The following UNC13C variants were observed in gnomAD, a reference collection of about 807,000 sequenced individuals.
The protein encoded by UNC13C is protein unc-13 homolog C.
In UNC13C, 174 loss-of-function variants were observed where a neutral mutation model predicts 245.4. The observed-to-expected ratio is 0.71, with a 90% CI of 0.63 to 0.80. The LOEUF is 0.80. Among genes scored for constraint, UNC13C ranks in the 30% least tolerant of loss-of-function variants. The pLI is 0.00. For synonymous variants in UNC13C, 992 were observed against 895.1 expected (o/e 1.11, Z -1.93); for missense variants, 2,829 against 2,602.9 (o/e 1.09, Z -1.89).
intron 2 of UNC13C, among the ~76,000 whole-genome samples, chr15:54,115,356 T>G (rs557000873): frequency 4.6e-5 from 7 of 152,226 alleles, no homozygotes; most frequent in African/African-American, 1.7e-4. Context: ...GTGCCAACAT[T>G]ATCAATTGCA....
intron 17 of UNC13C, among the ~76,000 whole-genome samples, chr15:54,350,490 A>G (rs2038958115): frequency 6.6e-6 from 1 of 152,196 alleles, no homozygotes; most frequent in Non-Finnish European, 1.5e-5. Flanking sequence ...AACTTGCATG[A>G]TCTAAATTCT....
At chr15:54,131,849 C>T (rs1480942175) in intron 2 of UNC13C, among the ~76,000 whole-genome samples, 1 of 152,124 alleles carries the variant, frequency 6.6e-6, no homozygotes, top group Non-Finnish European at 1.5e-5. Context: ...ACACTCTATG[C>T]TCTTTCAAGC....
At chr15:53,856,432 A>G in the UNC13C span, among the ~76,000 whole-genome samples, 1 of 151,220 alleles carries the variant, frequency 6.6e-6, no homozygotes, top group Non-Finnish European at 1.5e-5. Context: ...TAGCTTTTTG[A>G]TGTGGGCATT....
At chr15:54,132,461 T>C (rs2031491394) in intron 2 of UNC13C, among the ~76,000 whole-genome samples, 1 of 152,188 alleles carries the variant, frequency 6.6e-6, no homozygotes, top group African/African-American at 2.4e-5. Context: ...CTCCCAGCAC[T>C]CATCCAGTTG....
At chr15:54,452,805 G>T (rs1308979248) in intron 19 of UNC13C, among the ~76,000 whole-genome samples, 3 of 152,190 alleles carry the variant, frequency 2.0e-5, no homozygotes, top group African/African-American at 7.2e-5. Flanking sequence ...TTTGGCCCCA[G>T]GTGGCAGCTG....
chr15:54,335,704 G>GT (rs2038556327), intron 16 of UNC13C, among the ~76,000 whole-genome samples: 1 of 152,120 alleles, frequency 6.6e-6, no homozygotes, highest in Admixed American at 6.6e-5. Context: ...ATTCACTTCT[G>GT]TTAATTGCTA....
chr15:54,558,588 C>G (rs893434450), intron 29 of UNC13C, among the ~76,000 whole-genome samples: 1 of 151,982 alleles, frequency 6.6e-6, no homozygotes. Context: ...AAAATATTAA[C>G]TTTTCTAAAT....
intron 30 of UNC13C, among the ~76,000 whole-genome samples, chr15:54,584,014 T>C (rs2681954): frequency 0.39 from 58,574 of 152,026 alleles, 11,812 homozygotes; most frequent in East Asian, 0.65. Context: ...CCTGCCGCTC[T>C]CTGGACCTCT....
At chr15:54,391,846 G>A (rs2039963456) in intron 17 of UNC13C, among the ~76,000 whole-genome samples, 1 of 152,012 alleles carries the variant, frequency 6.6e-6, no homozygotes, top group Non-Finnish European at 1.5e-5. Context: ...CAAGTTACAC[G>A]AGAATAATTA....
chr15:54,270,206 C>G (rs1315922565), intron 10 of UNC13C, among the ~76,000 whole-genome samples: 3 of 152,140 alleles, frequency 2.0e-5, no homozygotes, highest in Non-Finnish European at 4.4e-5. Flanking sequence ...ATAAACGGTT[C>G]TCTTTTGCAG....
At chr15:54,123,637 T>C (rs1417356327) in intron 2 of UNC13C, among the ~76,000 whole-genome samples, 2 of 152,128 alleles carry the variant, frequency 1.3e-5, no homozygotes, top group African/African-American at 4.8e-5. Context: ...AGGTGACAGT[T>C]ATCCTTCACC....
chr15:53,954,996 G>T, the UNC13C span, among the ~76,000 whole-genome samples: 3 of 152,116 alleles, frequency 2.0e-5, no homozygotes, highest in Admixed American at 2.0e-4. Flanking sequence ...AGCTGGCTAG[G>T]ACGTATGAAA....
intron 17 of UNC13C, among the ~76,000 whole-genome samples, chr15:54,344,765 T>C (rs2140827150): frequency 6.6e-6 from 1 of 152,266 alleles, no homozygotes; most frequent in East Asian, 1.9e-4. Context: ...ATTCTAATTA[T>C]TTAGTTCAAA....
chr15:54,551,668 C>T (rs1896740220), intron 28 of UNC13C, among the ~76,000 whole-genome samples: 1 of 152,020 alleles, frequency 6.6e-6, no homozygotes, highest in Non-Finnish European at 1.5e-5. Flanking sequence ...TTCAACAACA[C>T]TGAAATAACA....
chr15:54,266,448 T>A (rs2036551148), intron 10 of UNC13C, among the ~76,000 whole-genome samples: 1 of 151,900 alleles, frequency 6.6e-6, no homozygotes, highest in African/African-American at 2.4e-5. Context: ...TAAAATTAAA[T>A]TTCCTGTTGG....
rs147650674 is a variant in UNC13C, at chr15:54,087,013, C to T, written c.2984-56005C>T. 3.3e-3 allele frequency among the ~76,000 whole-genome samples: 495 copies of T among 152,136 alleles called. 6 individuals are homozygous for T. The highest frequency in any genetic ancestry group is 0.012 in the South Asian group (58 of 4,810). On this transcript the variant is annotated intron_variant, in intron 2 of 32. Coordinates refer to ENST00000260323, the MANE Select transcript of UNC13C (RefSeq NM_001080534.3). The stretch of plus-strand genomic sequence containing the variant: ...CCTCCCAAAGTGCTGGGATTACAGA[C>T]GTGAGCCACTGCACCTGGCCTTTTG...
chr15:53,845,988 C>A, the UNC13C span, among the ~76,000 whole-genome samples: 1 of 151,984 alleles, frequency 6.6e-6, no homozygotes, highest in Admixed American at 6.6e-5. Flanking sequence ...CCAATAAAAC[C>A]ATTGTGTTTT....
Position 54,300,373 on chromosome 15 carries a change from C to T in UNC13C, c.4268C>T (p.Thr1423Met), listed in dbSNP as rs1433184728. The T allele has an allele frequency of 6.4e-6, 10 of 1,567,022 alleles. No homozygotes were observed. Among genetic ancestry groups the T allele is most frequent in the Middle Eastern group, 1.7e-4 (1 of 6,004 alleles). The stretch of plus-strand genomic sequence containing the variant: ...ATTGAATCCATTTATCAAGCTATGA[C>T]GTAAGTACTACAGAACATTTACATG... ...YGIESIYQAMTHFSCLSSKYM... is the reference protein window; with the variant it reads ...YGIESIYQAMMHFSCLSSKYM... The change falls in exon 13 of 33, where the codon ACG becomes ATG. Residue 1423 changes from threonine (T) to methionine (M), a missense_variant and splice_region_variant. By Grantham distance (81) the Thr-to-Met change is moderately conservative. Transcript: ENST00000260323.
At chr15:54,516,233 C>G (rs7164826) in intron 24 of UNC13C, among the ~76,000 whole-genome samples, 32,037 of 152,074 alleles carry the variant, frequency 0.21, 3,544 homozygotes, top group Middle Eastern at 0.3. Flanking sequence ...CCACTAGCCT[C>G]TCAACTTTAA....
Sources: gnomAD v4.1 joint callset for allele counts (sites outside exome capture counted in the v4.1 genomes callset) on GRCh38, gnomAD v4.1.1 for gene constraint, MANE v1.5 for transcripts, NCBI Gene and HGNC (gene_info 2026-07-23, HGNC 2026-07-21) for gene names.